AKAP6: variants seen among roughly 807,000 people sequenced by gnomAD.
AKAP6 encodes the protein A-kinase anchoring protein 6, also known as A-kinase anchor protein 6.
In AKAP6, 58 loss-of-function variants were observed where a neutral mutation model predicts 188.5. The observed-to-expected ratio is 0.31, with a 90% confidence interval of 0.25 to 0.38. The LOEUF (loss-of-function observed/expected upper bound fraction) is 0.38. AKAP6 is among the 10% of genes least tolerant of loss of function. AKAP6 has a pLI of 1.00. For missense variants in AKAP6, 2,710 were observed against 2,740.0 expected (o/e 0.99, Z 0.24); for synonymous variants, 989 against 998.6 (o/e 0.99, Z 0.18).
intron 9 of AKAP6, among the ~76,000 whole-genome samples, chr14:32,698,248 G>A (rs9788585): frequency 0.24 from 37,051 of 151,834 alleles, 5,567 homozygotes; most frequent in South Asian, 0.39. Context: ...GAATCCTCAG[G>A]GATTTCCAGG....
intron 5 of AKAP6, among the ~76,000 whole-genome samples, chr14:32,598,061 C>G (rs575140798): frequency 1.3e-5 from 2 of 152,244 alleles, no homozygotes; most frequent in Non-Finnish European, 1.5e-5. Flanking sequence ...TTGCCCAGCA[C>G]AGTGTATAGA....
chr14:32,723,486 G>A (rs1029340698), intron 9 of AKAP6, among the ~76,000 whole-genome samples: 3 of 151,930 alleles, frequency 2.0e-5, no homozygotes, highest in African/African-American at 7.3e-5. Context: ...TCTGTGTAGT[G>A]TTAAAAAGTT....
chr14:32,425,550 C>T (rs1890000484), intron 1 of AKAP6, among the ~76,000 whole-genome samples: 1 of 151,054 alleles, frequency 6.6e-6, no homozygotes, highest in African/African-American at 2.4e-5. Flanking sequence ...GATTGTGCCA[C>T]TGCATCCCAG....
At chr14:32,518,540 TGACACATGCACAA>T (rs2139049226) in intron 2 of AKAP6, among the ~76,000 whole-genome samples, 1 of 152,172 alleles carries the variant, frequency 6.6e-6, no homozygotes, top group Non-Finnish European at 1.5e-5. Flanking sequence ...GAGAACTACG[TGACACATGCACAA>T]GCTTCAGTAG....
chr14:32,642,842 G>C lies in AKAP6; in HGVS notation c.2731-35469G>C, dbSNP rs79742240. 5.2e-3 allele frequency among the ~76,000 whole-genome samples: 796 copies of C among 152,198 alleles called. 12 individuals are homozygous for C. Among genetic ancestry groups the C allele is most frequent in the African/African-American group, 0.018 (732 of 41,540 alleles). ...CTCAGGTAAATCCCATTAAAAAATG[G>C]ATATGCCTTTGTGTGTATAAATTTA... On this transcript the variant is annotated intron_variant, in intron 7 of 13. Coordinates refer to ENST00000280979, the MANE Select transcript of AKAP6 (RefSeq NM_004274.5).
intron 2 of AKAP6, among the ~76,000 whole-genome samples, chr14:32,483,716 TC>T (rs1337453252): frequency 6.6e-6 from 1 of 152,102 alleles, no homozygotes; most frequent in Admixed American, 6.5e-5. Flanking sequence ...ACTCCCAACC[TC>T]AGGTGATCTG....
chr14:32,710,257 C>T (rs532373171), intron 9 of AKAP6, among the ~76,000 whole-genome samples: 3 of 150,970 alleles, frequency 2.0e-5, no homozygotes, highest in Non-Finnish European at 2.9e-5. Context: ...CCAGTGGATG[C>T]GTAATATATT....
intron 7 of AKAP6, among the ~76,000 whole-genome samples, chr14:32,674,675 G>C (rs1174067126): frequency 6.6e-6 from 1 of 152,144 alleles, no homozygotes; most frequent in African/African-American, 2.4e-5. Context: ...AGAATGAAGG[G>C]TTCTGTTTTA....
At chr14:32,344,346 GCATGATTGTGC>G (rs60495642) in intron 1 of AKAP6, among the ~76,000 whole-genome samples, 3,869 of 152,294 alleles carry the variant, frequency 0.025, 149 homozygotes, top group African/African-American at 0.084. Flanking sequence ...CTACATAGTG[GCATGATTGTGC>G]CATGATTGTG....
At chr14:32,399,687 T>C (rs1005151031) in intron 1 of AKAP6, among the ~76,000 whole-genome samples, 1 of 152,208 alleles carries the variant, frequency 6.6e-6, no homozygotes, top group African/African-American at 2.4e-5. Flanking sequence ...CATACATTTC[T>C]TGTTGAGGAT....
intron 1 of AKAP6, among the ~76,000 whole-genome samples, chr14:32,390,055 T>G (rs972245513): frequency 2.0e-5 from 3 of 152,152 alleles, no homozygotes; most frequent in Non-Finnish European, 4.4e-5. Context: ...TTATTCTTTT[T>G]TCTTTGTCTC....
At chr14:32,374,982 A>C (rs950599027) in intron 1 of AKAP6, among the ~76,000 whole-genome samples, 3 of 152,358 alleles carry the variant, frequency 2.0e-5, no homozygotes, top group South Asian at 4.1e-4. Flanking sequence ...GTATTTAAGA[A>C]ACATCATAGT....
chr14:32,750,235 C>T (rs2032071948), intron 11 of AKAP6, among the ~76,000 whole-genome samples: 1 of 151,940 alleles, frequency 6.6e-6, no homozygotes, highest in African/African-American at 2.4e-5. Flanking sequence ...TTTACAGTGC[C>T]AAGATTGAAT....
At chr14:32,777,040 G>C (rs1393241191) in intron 12 of AKAP6, among the ~76,000 whole-genome samples, 1 of 152,164 alleles carries the variant, frequency 6.6e-6, no homozygotes, top group Non-Finnish European at 1.5e-5. Flanking sequence ...CTCACTCATA[G>C]TAGAAACCCT....
At chr14:32,422,255 G>C (rs776234967) in intron 1 of AKAP6, among the ~76,000 whole-genome samples, 1 of 152,098 alleles carries the variant, frequency 6.6e-6, no homozygotes, top group Non-Finnish European at 1.5e-5. Flanking sequence ...TTGCAAATTT[G>C]GGGGTCCCCA....
intron 2 of AKAP6, among the ~76,000 whole-genome samples, chr14:32,455,881 TACTGACTATGCATCTG>T (rs1321145805): frequency 1.3e-5 from 2 of 152,204 alleles, no homozygotes; most frequent in African/African-American, 2.4e-5. Context: ...TGACTGAATT[TACTGACTATGCATCTG>T]CCTAGATAAA....
chr14:32,424,811 C>T (rs773302667), intron 1 of AKAP6, among the ~76,000 whole-genome samples: 8 of 152,108 alleles, frequency 5.3e-5, no homozygotes, highest in East Asian at 1.9e-4. Context: ...GCTCCATCCA[C>T]GTCCCTGCAA....
chr14:32,460,180 G>T (rs1355823169), intron 2 of AKAP6, among the ~76,000 whole-genome samples: 1 of 152,108 alleles, frequency 6.6e-6, no homozygotes, highest in Non-Finnish European at 1.5e-5. Context: ...TAATATCATG[G>T]GGCTGCAATC....
At chr14:32,659,807 A>G (rs995691040) in intron 7 of AKAP6, among the ~76,000 whole-genome samples, 1 of 152,150 alleles carries the variant, frequency 6.6e-6, no homozygotes, top group Non-Finnish European at 1.5e-5. Context: ...ATCTGCATTG[A>G]TAACTGCTGT....
Sources: gnomAD v4.1 joint callset for allele counts (sites outside exome capture counted in the v4.1 genomes callset) on GRCh38, gnomAD v4.1.1 for gene constraint, MANE v1.5 for transcripts, NCBI Gene and HGNC (gene_info 2026-07-23, HGNC 2026-07-21) for gene names.